Variants in DPP6 observed in about 807,000 individuals in gnomAD.
The protein encoded by DPP6 is A-type potassium channel modulatory protein DPP6.
Under a neutral mutation model 122.6 loss-of-function variants are expected in DPP6, and 69 were observed. The ratio of observed to expected loss-of-function variants is 0.56; its 90% CI spans 0.46 to 0.69. The LOEUF is 0.69. Among genes scored for constraint, DPP6 ranks in the 30% least tolerant of loss-of-function variants. The probability of loss-of-function intolerance (pLI) is 0.00; values close to 1 mark genes in which losing one functional copy is unlikely to be tolerated. For missense variants in DPP6, 928 were observed against 1,116.9 expected (o/e 0.83, Z 2.41); for synonymous variants, 418 against 433.1 (o/e 0.97, Z 0.43).
At chr7:153,863,600 C>T in the DPP6 span, among the ~76,000 whole-genome samples, 265 of 152,148 alleles carry the variant, frequency 1.7e-3, no homozygotes, top group African/African-American at 5.4e-3. Context: ...AAAATAAATA[C>T]GACGTGGAAA....
At chr7:154,586,288 G>C (rs1832442166) in intron 5 of DPP6, among the ~76,000 whole-genome samples, 1 of 152,142 alleles carries the variant, frequency 6.6e-6, no homozygotes, top group Admixed American at 6.5e-5. Flanking sequence ...AAAAAAAATT[G>C]TTCTGTTGAA....
intron 18 of DPP6, among the ~76,000 whole-genome samples, chr7:154,868,916 T>C (rs1804126376): frequency 6.6e-6 from 1 of 152,220 alleles, no homozygotes; most frequent in Non-Finnish European, 1.5e-5. Context: ...GGTAAGTTGG[T>C]GTCGAATAAC....
chr7:154,842,539 A>C (rs1344964678), intron 16 of DPP6, among the ~76,000 whole-genome samples: 2 of 152,168 alleles, frequency 1.3e-5, no homozygotes, highest in African/African-American at 2.4e-5. Context: ...TTCTGTTCAC[A>C]AGTCTGTTGT....
chr7:154,771,132 T>A (rs1796226216), intron 9 of DPP6, among the ~76,000 whole-genome samples: 1 of 152,210 alleles, frequency 6.6e-6, no homozygotes, highest in Non-Finnish European at 1.5e-5. Flanking sequence ...ACCAGCTGGC[T>A]TACAGTTTGC....
chr7:154,294,616 A>G (rs1365666072), intron 1 of DPP6, among the ~76,000 whole-genome samples: 2 of 152,230 alleles, frequency 1.3e-5, no homozygotes, highest in East Asian at 1.9e-4. Flanking sequence ...CTATGTAGGC[A>G]TGAAAATCTT....
intron 1 of DPP6, among the ~76,000 whole-genome samples, chr7:153,965,937 C>T (rs1344653774): frequency 2.0e-5 from 3 of 151,698 alleles, no homozygotes; most frequent in Non-Finnish European, 4.4e-5. Flanking sequence ...TCTGATGACA[C>T]AAACTTGATG....
chr7:154,160,855 A>G (rs1796944915), intron 1 of DPP6, among the ~76,000 whole-genome samples: 1 of 152,220 alleles, frequency 6.6e-6, no homozygotes, highest in African/African-American at 2.4e-5. Context: ...AGAGGACTTA[A>G]TAATCAGCCA....
chr7:154,634,627 C>T (rs1346582312), intron 5 of DPP6, among the ~76,000 whole-genome samples: 4 of 147,950 alleles, frequency 2.7e-5, no homozygotes, highest in African/African-American at 9.7e-5. Context: ...TTCTCTCCTC[C>T]TCCTCCTCCT....
intron 1 of DPP6, among the ~76,000 whole-genome samples, chr7:153,943,233 G>T (rs1383785777): frequency 1.3e-5 from 2 of 152,210 alleles, no homozygotes; most frequent in Non-Finnish European, 2.9e-5. Context: ...GCCAGCTCAT[G>T]ACACTATGTG....
At chr7:154,805,398 G>A (rs1328458139) in intron 15 of DPP6, among the ~76,000 whole-genome samples, 2 of 152,164 alleles carry the variant, frequency 1.3e-5, no homozygotes, top group Non-Finnish European at 2.9e-5. Flanking sequence ...TAGCTCACTG[G>A]CTTTGGGGAA....
chr7:153,976,614 C>A (rs2531124), intron 1 of DPP6, among the ~76,000 whole-genome samples: 59 of 151,730 alleles, frequency 3.9e-4, no homozygotes, highest in African/African-American at 1.4e-3. Flanking sequence ...TAGTGAAAGT[C>A]AAAGATCTGA....
intron 6 of DPP6, among the ~76,000 whole-genome samples, chr7:154,659,249 C>A (rs1467141082): frequency 1.3e-5 from 2 of 152,192 alleles, no homozygotes; most frequent in African/African-American, 4.8e-5. Flanking sequence ...TTTGTTTTTG[C>A]TACAGAGTTC....
intron 1 of DPP6, among the ~76,000 whole-genome samples, chr7:154,391,129 G>T (rs1209733006): frequency 6.6e-6 from 1 of 152,192 alleles, no homozygotes; most frequent in Non-Finnish European, 1.5e-5. Flanking sequence ...TACCATCACT[G>T]TCCGCCGCGC....
chr7:154,794,595 C>A (rs1017323909), intron 11 of DPP6, among the ~76,000 whole-genome samples: 2 of 152,242 alleles, frequency 1.3e-5, no homozygotes, highest in African/African-American at 4.8e-5. Flanking sequence ...CAGCCTCCCC[C>A]AGCGGGCTCC....
At chr7:154,254,539 T>C (rs10267219) in intron 1 of DPP6, among the ~76,000 whole-genome samples, 95,532 of 151,942 alleles carry the variant, frequency 0.63, 32,058 homozygotes, top group African/African-American at 0.89. Flanking sequence ...GAGATGGAGA[T>C]GCACAATCTT....
intron 16 of DPP6, among the ~76,000 whole-genome samples, chr7:154,832,958 T>G (rs1270780257): frequency 1.3e-5 from 2 of 152,180 alleles, no homozygotes; most frequent in East Asian, 3.9e-4. Flanking sequence ...GTTCGAGAAG[T>G]CTTTCTTTGG....
intron 1 of DPP6, among the ~76,000 whole-genome samples, chr7:154,328,181 CCT>C (rs1808612596): frequency 6.6e-6 from 1 of 152,070 alleles, no homozygotes; most frequent in South Asian, 2.1e-4. Context: ...TGGCCCACAC[CCT>C]GAGTGTAATA....
chr7:154,323,459 G>A (rs914116578), intron 1 of DPP6, among the ~76,000 whole-genome samples: 2 of 152,276 alleles, frequency 1.3e-5, no homozygotes, highest in East Asian at 1.9e-4. Flanking sequence ...GGCAAGCTCC[G>A]ACCTTGATGA....
At chr7:154,237,358 C>T (rs1801283659) in intron 1 of DPP6, among the ~76,000 whole-genome samples, 1 of 152,204 alleles carries the variant, frequency 6.6e-6, no homozygotes, top group South Asian at 2.1e-4. Context: ...TTTAGGGGGT[C>T]AGTTCAAAAG....
Sources: gnomAD v4.1 joint callset for allele counts (sites outside exome capture counted in the v4.1 genomes callset) on GRCh38, gnomAD v4.1.1 for gene constraint, MANE v1.5 for transcripts, NCBI Gene and HGNC (gene_info 2026-07-23, HGNC 2026-07-21) for gene names.